The following AOPEP variants were observed in gnomAD, a reference collection of about 807,000 sequenced individuals.
AOPEP encodes the protein aminopeptidase O (putative).
Under a neutral mutation model 98.1 loss-of-function variants are expected in AOPEP, and 77 were observed. The observed-to-expected ratio is 0.78, with a 90% CI of 0.65 to 0.95. AOPEP has a LOEUF of 0.95. Among genes scored for constraint, AOPEP ranks in the 40% least tolerant of loss-of-function variants. AOPEP has a pLI of 0.00. For synonymous variants in AOPEP, 346 were observed against 365.3 expected, an observed-to-expected ratio of 0.95 and a Z score of 0.60; for missense variants, 1,024 against 1,024.7, an observed-to-expected ratio of 1.00 and a Z score of 0.01.
chr9:95,108,138 C>T, the AOPEP span, among the ~76,000 whole-genome samples: 1 of 152,174 alleles, frequency 6.6e-6, no homozygotes, highest in South Asian at 2.1e-4. Flanking sequence ...TTGTGTGAGG[C>T]GTTTTTTTTC....
At chr9:94,938,399 C>G (rs16911852) in intron 7 of AOPEP, among the ~76,000 whole-genome samples, 3,133 of 152,142 alleles carry the variant, frequency 0.021, 116 homozygotes, top group African/African-American at 0.072. Flanking sequence ...GATAGGTAAT[C>G]CTAGGCTACA....
At chr9:94,780,969 T>C (rs356144) in intron 3 of AOPEP, among the ~76,000 whole-genome samples, 149,182 of 152,324 alleles carry the variant, frequency 0.98, 73,051 homozygotes, top group East Asian at 1. Flanking sequence ...AGAAGACAGA[T>C]CTCTGGGTCC....
chr9:95,003,093 C>T (rs1489766772), intron 11 of AOPEP, among the ~76,000 whole-genome samples: 1 of 151,772 alleles, frequency 6.6e-6, no homozygotes, highest in Non-Finnish European at 1.5e-5. Flanking sequence ...TTCCAGGTCT[C>T]AGTTTCTAAG....
chr9:95,105,907 C>T, the AOPEP span, among the ~76,000 whole-genome samples: 1 of 152,354 alleles, frequency 6.6e-6, no homozygotes, highest in South Asian at 2.1e-4. Context: ...TGCCTGCTGG[C>T]TGCTGAGAAT....
chr9:94,882,969 A>G (rs770243639), intron 5 of AOPEP, among the ~76,000 whole-genome samples: 3 of 152,188 alleles, frequency 2.0e-5, no homozygotes, highest in Non-Finnish European at 4.4e-5. Flanking sequence ...TGATATGAAC[A>G]CATTATCAAA....
chr9:95,129,320 C>T, the AOPEP span, among the ~76,000 whole-genome samples: 6 of 152,152 alleles, frequency 3.9e-5, no homozygotes, highest in Admixed American at 3.9e-4. Flanking sequence ...TATGTCCCAG[C>T]GACATCAAAT....
At chr9:94,814,929 C>T (rs1372713867) in intron 5 of AOPEP, among the ~76,000 whole-genome samples, 1 of 152,134 alleles carries the variant, frequency 6.6e-6, no homozygotes, top group Admixed American at 6.5e-5. Flanking sequence ...ATCAGGAAGC[C>T]ATGTTTTAAA....
chr9:94,893,931 T>C (rs1470158921), intron 5 of AOPEP, among the ~76,000 whole-genome samples: 1 of 152,118 alleles, frequency 6.6e-6, no homozygotes, highest in East Asian at 1.9e-4. Context: ...TCCTCAAAAG[T>C]AGAAATAAGA....
intron 14 of AOPEP, among the ~76,000 whole-genome samples, chr9:95,079,116 C>T (rs1174141678): frequency 6.6e-6 from 1 of 152,232 alleles, no homozygotes; most frequent in African/African-American, 2.4e-5. Flanking sequence ...AAGGGCCTGG[C>T]TGCCTGCGAG....
At chr9:95,107,300 T>C in the AOPEP span, 22 of 1,604,566 alleles carry the variant, frequency 1.4e-5, no homozygotes, top group East Asian at 4.5e-4. Context: ...GGGGAGAGGT[T>C]AGGAAGAGGC....
rs2055155796 is a variant in AOPEP, at chr9:94,930,748, G to GATC, written c.1661+2219_1661+2220insCAT. On this transcript the variant is annotated intron_variant, in intron 7 of 16. Coordinates refer to ENST00000375315, the MANE Select transcript of AOPEP (RefSeq NM_001193329.3). This position sits in a 1 kb window ranked among gnomAD's most constrained non-coding sequence, Gnocchi z 4.5. Reference sequence around the variant, plus strand: ...GAGAGAGAAGTGGGACTACATGGGTGATGGAGAAGGAAGTCAGGCTGAAGT... The same window carrying GATC: ...GAGAGAGAAGTGGGACTACATGGGTGATCATGGAGAAGGAAGTCAGGCTGAAGT... Among the ~76,000 whole-genome samples the GATC allele has an allele frequency of 6.6e-6, 1 of 152,166 alleles. No homozygotes were observed. Among genetic ancestry groups the GATC allele is most frequent in the Non-Finnish European group, 1.5e-5 (1 of 68,036 alleles).
intron 16 of AOPEP, chr9:95,085,904 C>A (rs528529354): frequency 9.0e-6 from 11 of 1,219,310 alleles, no homozygotes; most frequent in Middle Eastern, 3.6e-4. Context: ...GTTCTGGGCG[C>A]GGTGAACTCT....
chr9:95,036,699 C>CTTTTTTTT (rs1459675024), intron 13 of AOPEP, among the ~76,000 whole-genome samples: 6 of 38,148 alleles, frequency 1.6e-4, no homozygotes, highest in Admixed American at 3.4e-4. Flanking sequence ...CTTTCTTCTT[C>CTTTTTTTT]TTCTTTTTTT....
chr9:95,006,576 A>T (rs2062036686), intron 13 of AOPEP, among the ~76,000 whole-genome samples: 1 of 152,192 alleles, frequency 6.6e-6, no homozygotes, highest in Non-Finnish European at 1.5e-5. Context: ...GCAGCTTCTG[A>T]GAGAGCTGGA....
intron 3 of AOPEP, among the ~76,000 whole-genome samples, chr9:94,788,383 A>T (rs943600112): frequency 1.3e-5 from 2 of 152,020 alleles, no homozygotes; most frequent in Non-Finnish European, 2.9e-5. Context: ...TTATATCATT[A>T]TATTTTTGTG....
intron 14 of AOPEP, among the ~76,000 whole-genome samples, chr9:95,069,865 G>T (rs1479435057): frequency 1.3e-5 from 2 of 152,210 alleles, no homozygotes; most frequent in Non-Finnish European, 2.9e-5. Flanking sequence ...CTCCAGCAAG[G>T]GTGGTAAGAG....
At chr9:94,804,043 A>G (rs1298083665) in intron 5 of AOPEP, among the ~76,000 whole-genome samples, 3 of 152,160 alleles carry the variant, frequency 2.0e-5, no homozygotes, top group African/African-American at 7.2e-5. Flanking sequence ...TTTAATTAAT[A>G]TTCTACTGTT....
the AOPEP span, chr9:95,123,209 G>T: frequency 4.9e-6 from 1 of 203,028 alleles, no homozygotes. Context: ...AGGCTGAGGT[G>T]GGGGGATCGC....
At chr9:95,018,610 C>T (rs931133314) in intron 13 of AOPEP, among the ~76,000 whole-genome samples, 2 of 152,226 alleles carry the variant, frequency 1.3e-5, no homozygotes, top group Admixed American at 6.5e-5. Context: ...GTGTGCCTTT[C>T]TTTTTATCCT....
Sources: allele counts gnomAD v4.1 joint callset (sites outside exome capture counted in the v4.1 genomes callset), GRCh38; gene constraint gnomAD v4.1.1; non-coding constraint Gnocchi (gnomAD v3.1); transcripts MANE v1.5; gene names NCBI Gene and HGNC (gene_info 2026-07-23, HGNC 2026-07-21).